Variants in AGBL4 observed in about 807,000 individuals in gnomAD.
The protein encoded by AGBL4 is AGBL carboxypeptidase 4.
AGBL4 carries 58 observed loss-of-function variants against 66.4 expected under a neutral mutation model. The ratio of observed to expected loss-of-function variants is 0.87; its 90% CI spans 0.71 to 1.09. AGBL4 has a LOEUF of 1.09. Ranked by LOEUF, AGBL4 falls within the 50% of genes least tolerant of loss-of-function variation. AGBL4 has a pLI of 0.00. For missense variants in AGBL4, 579 were observed against 631.0 expected (o/e 0.92, Z 0.88); for synonymous variants, 234 against 222.9 (o/e 1.05, Z -0.44).
At chr1:49,890,605 T>A (rs560053515) in intron 1 of AGBL4, among the ~76,000 whole-genome samples, 1 of 152,316 alleles carries the variant, frequency 6.6e-6, no homozygotes, top group South Asian at 2.1e-4. Context: ...CTTTCCTGGG[T>A]ATATAAACTG....
chr1:49,885,696 C>T (rs1647959852), intron 1 of AGBL4, among the ~76,000 whole-genome samples: 1 of 151,980 alleles, frequency 6.6e-6, no homozygotes, highest in Non-Finnish European at 1.5e-5. Context: ...ATATAAGACA[C>T]ATAAGCTATA....
chr1:49,881,797 A>G (rs573344583), intron 1 of AGBL4, among the ~76,000 whole-genome samples: 189 of 151,760 alleles, frequency 1.2e-3, no homozygotes, highest in African/African-American at 4.4e-3. Flanking sequence ...GCCCTTTGTC[A>G]GATGAGTAGG....
chr1:49,227,548 G>C (rs1570134674), intron 4 of AGBL4, among the ~76,000 whole-genome samples: 1 of 152,230 alleles, frequency 6.6e-6, no homozygotes, highest in East Asian at 1.9e-4. Context: ...CAAACAGCTT[G>C]CAAGTTGGTA....
rs560781071 is a variant in AGBL4, at chr1:48,890,329, T to C, written c.595-23099A>G. On this transcript the variant is annotated intron_variant, in intron 5 of 13. Coordinates refer to ENST00000371839, the MANE Select transcript of AGBL4 (RefSeq NM_032785.4). ...CTCTTTGCTACTTGTAAAACCTTTA[T>C]CTGAGTCTTAGCTTTCACATGTGTA... Among the ~76,000 whole-genome samples, 111 of 152,334 alleles carry C rather than the reference T, an allele frequency of 7.3e-4. 1 individual carries two copies. The highest frequency in any genetic ancestry group is 2.4e-3 in the African/African-American group (101 of 41,574).
At chr1:49,324,689 T>C (rs1330648771) in intron 3 of AGBL4, among the ~76,000 whole-genome samples, 5 of 152,232 alleles carry the variant, frequency 3.3e-5, no homozygotes, top group Non-Finnish European at 1.5e-5. Context: ...CCTCCATCTT[T>C]ACATTCAACA....
At chr1:49,333,510 A>G (rs925255624) in intron 3 of AGBL4, among the ~76,000 whole-genome samples, 1 of 152,242 alleles carries the variant, frequency 6.6e-6, no homozygotes, top group South Asian at 2.1e-4. Context: ...ACAAACAAAA[A>G]AACCATAAAA....
chr1:49,859,666 T>C (rs983928254), intron 1 of AGBL4, among the ~76,000 whole-genome samples: 5 of 152,100 alleles, frequency 3.3e-5, no homozygotes, highest in Non-Finnish European at 5.9e-5. Context: ...TATATTTAAT[T>C]GTGAAAGACT....
At chr1:48,893,093 G>A (rs1444899005) in intron 5 of AGBL4, among the ~76,000 whole-genome samples, 2 of 152,058 alleles carry the variant, frequency 1.3e-5, no homozygotes, top group East Asian at 1.9e-4. Flanking sequence ...TACAAAAATC[G>A]AAGTATACAC....
At position 48,849,747 on chromosome 1, in the gene AGBL4, C is replaced by T. The variant is rs913611918; in HGVS notation, c.634+17444G>A. On this transcript the variant is annotated intron_variant, in intron 6 of 13. Coordinates refer to ENST00000371839, the MANE Select transcript of AGBL4 (RefSeq NM_032785.4). ...CAGCACTTTGGGAGGCCGAAGTGGA[C>T]GAATCACTTGAGGTCAGGAGCTCAA... Among the ~76,000 whole-genome samples, 2 of 152,082 alleles carry T rather than the reference C, an allele frequency of 1.3e-5. 1 individual carries two copies. The highest frequency in any genetic ancestry group is 2.9e-5 in the Non-Finnish European group (2 of 68,018).
intron 6 of AGBL4, among the ~76,000 whole-genome samples, chr1:48,713,734 C>CG (rs112738900): frequency 2.4e-4 from 36 of 152,228 alleles, no homozygotes; most frequent in African/African-American, 8.7e-4. Flanking sequence ...AGAGCTGCTC[C>CG]CCTCTCTGCT....
chr1:49,447,189 A>T (rs1354681173), intron 3 of AGBL4, among the ~76,000 whole-genome samples: 1 of 152,166 alleles, frequency 6.6e-6, no homozygotes, highest in Non-Finnish European at 1.5e-5. Context: ...CTGCTTAAAA[A>T]ACCAAGTACA....
intron 2 of AGBL4, among the ~76,000 whole-genome samples, chr1:49,827,769 G>T (rs1197449581): frequency 1.3e-5 from 2 of 152,136 alleles, no homozygotes; most frequent in Non-Finnish European, 2.9e-5. Context: ...ATTGCACCTG[G>T]CATGAGCATC....
chr1:48,727,690 G>A, intron 6 of AGBL4: 1 of 397,758 alleles, frequency 2.5e-6, no homozygotes. Context: ...CCAGTGCCAG[G>A]CTGCTCCTGA....
At chr1:48,716,249 G>C (rs1647048695) in intron 6 of AGBL4, among the ~76,000 whole-genome samples, 1 of 152,130 alleles carries the variant, frequency 6.6e-6, no homozygotes, top group South Asian at 2.1e-4. Flanking sequence ...TGCCACACAT[G>C]GTTTCTTGCG....
chr1:49,260,615 T>A (rs918753959), intron 3 of AGBL4, among the ~76,000 whole-genome samples: 2 of 152,016 alleles, frequency 1.3e-5, no homozygotes, highest in South Asian at 4.2e-4. Flanking sequence ...CAGGAAGAAG[T>A]TGAATCTCTG....
chr1:48,688,172 G>A (rs551828769), intron 6 of AGBL4, among the ~76,000 whole-genome samples: 1 of 152,288 alleles, frequency 6.6e-6, no homozygotes, highest in East Asian at 1.9e-4. Context: ...AGGCAGGAAG[G>A]AGACATTTAT....
chr1:49,813,116 T>G (rs568546075), intron 2 of AGBL4, among the ~76,000 whole-genome samples: 1 of 152,194 alleles, frequency 6.6e-6, no homozygotes, highest in Non-Finnish European at 1.5e-5. Flanking sequence ...TAAAAAAGAA[T>G]ATCTTACTGA....
chr1:49,221,341 C>A (rs920616319), intron 4 of AGBL4, among the ~76,000 whole-genome samples: 1 of 152,110 alleles, frequency 6.6e-6, no homozygotes, highest in Non-Finnish European at 1.5e-5. Context: ...TCAATGCCTT[C>A]AGAGGCACTG....
chr1:49,029,013 C>T (rs1663974000), intron 5 of AGBL4, among the ~76,000 whole-genome samples: 1 of 152,098 alleles, frequency 6.6e-6, no homozygotes, highest in Non-Finnish European at 1.5e-5. Flanking sequence ...ATCCAACACC[C>T]TTTCATGATA....
Sources: gnomAD v4.1 joint callset for allele counts (sites outside exome capture counted in the v4.1 genomes callset) on GRCh38, gnomAD v4.1.1 for gene constraint, MANE v1.5 for transcripts, NCBI Gene and HGNC (gene_info 2026-07-23, HGNC 2026-07-21) for gene names.